The following SEMA3D variants were observed in gnomAD, a reference collection of about 807,000 sequenced individuals.
The protein encoded by SEMA3D is semaphorin-3D.
In SEMA3D, 84 loss-of-function variants were observed where a neutral mutation model predicts 100.1. That is an observed-to-expected ratio of 0.84 (90% confidence interval 0.70 to 1.01). SEMA3D has a LOEUF of 1.01. Ranked by LOEUF, SEMA3D falls within the 50% of genes least tolerant of loss-of-function variation. The pLI is 0.00. For missense variants in SEMA3D, 875 were observed against 934.1 expected, an observed-to-expected ratio of 0.94 and a Z score of 0.82; for synonymous variants, 312 against 320.7, an observed-to-expected ratio of 0.97 and a Z score of 0.29.
intron 13 of SEMA3D, 57 bp downstream of exon 13, chr7:85,022,334 C>T: frequency 1.7e-6 from 2 of 1,183,838 alleles, no homozygotes; most frequent in Admixed American, 1.7e-5. Context: ...TTGTTCTTCT[C>T]TTTGTCTAAT....
At position 84,997,176 on chromosome 7, in the gene SEMA3D, G is replaced by T. The variant is rs1169743927; in HGVS notation, c.*2264C>A. On this transcript the variant is annotated 3_prime_UTR_variant, in exon 19 of 19. Coordinates refer to ENST00000284136, the MANE Select transcript of SEMA3D (RefSeq NM_001384900.1). ...GATTAGAAAGAAGTAACTAAAAAATGGTTTGGACATTCAAATTTGGATAGA... is the reference window on the plus strand; with the variant it reads ...GATTAGAAAGAAGTAACTAAAAAATTGTTTGGACATTCAAATTTGGATAGA... 1 of 151,908 alleles carries T rather than the reference G, an allele frequency of 6.6e-6. No individual in the cohort carries two copies. The highest frequency in any genetic ancestry group is 1.5e-5 in the Non-Finnish European group (1 of 67,890). The allele number at this position is 151,908 out of a possible 1,614,324, so 9.4% of individuals were successfully genotyped here.
chr7:85,167,461 G>T, intron 1 of SEMA3D: 1 of 801,334 alleles, frequency 1.2e-6, no homozygotes, highest in Non-Finnish European at 1.5e-6. Flanking sequence ...TACTAATGTT[G>T]GACGTCTATT....
At chr7:85,064,879 TCAATA>T (rs1791573356) in intron 8 of SEMA3D, among the ~76,000 whole-genome samples, 1 of 152,158 alleles carries the variant, frequency 6.6e-6, no homozygotes, top group East Asian at 1.9e-4. Flanking sequence ...CAAAATTATG[TCAATA>T]TTAATATGCT....
chr7:85,098,518 T>G (rs1390035714), intron 3 of SEMA3D, among the ~76,000 whole-genome samples: 1 of 151,768 alleles, frequency 6.6e-6, no homozygotes, highest in African/African-American at 2.4e-5. Context: ...TTTTAAAAAA[T>G]ACACTTTTTT....
At chr7:85,086,571 A>T (rs1324767991) in intron 4 of SEMA3D, among the ~76,000 whole-genome samples, 2 of 151,982 alleles carry the variant, frequency 1.3e-5, no homozygotes, top group African/African-American at 4.8e-5. Flanking sequence ...ATATACGCAC[A>T]TATATAACAG....
intron 13 of SEMA3D, among the ~76,000 whole-genome samples, chr7:85,020,667 A>T (rs1361383320): frequency 6.6e-6 from 1 of 151,554 alleles, no homozygotes; most frequent in East Asian, 1.9e-4. Flanking sequence ...AGTTAAAAAT[A>T]TATTAAAATA....
chr7:85,041,223 A>AT (rs59852948), intron 10 of SEMA3D: 3,090 of 147,806 alleles, frequency 0.021, 51 homozygotes, highest in Non-Finnish European at 0.031. Flanking sequence ...AGCCCGGCTA[A>AT]TTTTTTTTTT....
chr7:85,024,621 C>G (rs1248319414), intron 12 of SEMA3D, among the ~76,000 whole-genome samples: 1 of 151,934 alleles, frequency 6.6e-6, no homozygotes, highest in African/African-American at 2.4e-5. Context: ...ATAAAATGAT[C>G]TTTGAAAATA....
chr7:85,100,425 A>C (rs1044754331), intron 3 of SEMA3D, among the ~76,000 whole-genome samples: 19 of 151,726 alleles, frequency 1.3e-4, no homozygotes, highest in African/African-American at 4.4e-4. Context: ...TTTTACCTCA[A>C]GTACTTACGA....
At chr7:85,109,693 C>A (rs192836975) in intron 3 of SEMA3D, among the ~76,000 whole-genome samples, 74 of 151,920 alleles carry the variant, frequency 4.9e-4, no homozygotes, top group African/African-American at 1.7e-3. Context: ...TTTTTCAAAT[C>A]TTCTGTTTAA....
chr7:85,142,200 A>G, intron 2 of SEMA3D: 1 of 983,928 alleles, frequency 1.0e-6, no homozygotes, highest in African/African-American at 1.7e-5. Flanking sequence ...TAAATTACTC[A>G]ATTGCTTATT....
chr7:85,180,257 GT>G (rs1431171005), intron 1 of SEMA3D, among the ~76,000 whole-genome samples: 1 of 152,222 alleles, frequency 6.6e-6, no homozygotes, highest in South Asian at 2.1e-4. Context: ...TTTTATAAGT[GT>G]TTTTTCCCTC....
At chr7:85,194,807 T>A in the SEMA3D span, among the ~76,000 whole-genome samples, 1 of 152,192 alleles carries the variant, frequency 6.6e-6, no homozygotes, top group African/African-American at 2.4e-5. Context: ...CTAAGTTCTT[T>A]CTAATTAGTG....
rs544103317 is a variant in SEMA3D at position 85,151,572 on chromosome 7, T to G, written c.-41+2036A>C. The stretch of plus-strand genomic sequence containing the variant: ...TGCTGGTTAAAATAGAGCACCGTAG[T>G]TGATGTGTGTATGCATGTGTGTATG... On this transcript the variant is annotated intron_variant, in intron 2 of 18. Coordinates refer to ENST00000284136, the MANE Select transcript of SEMA3D (RefSeq NM_001384900.1). The G allele has an allele frequency of 1.9e-5, 17 of 901,644 alleles. No individual in the cohort carries two copies. The African/African-American group carries it at 3.0e-4, about 16-fold the overall frequency. The allele number at this position is 901,644 out of a possible 1,614,324, so 55.9% of individuals were successfully genotyped here.
At chr7:85,048,096 A>T (rs530782763) in intron 9 of SEMA3D, among the ~76,000 whole-genome samples, 20 of 151,870 alleles carry the variant, frequency 1.3e-4, no homozygotes, top group Non-Finnish European at 2.5e-4. Context: ...TGAGGCAAAC[A>T]CACAGGCTTT....
At chr7:85,114,543 C>T (rs950861455) in intron 3 of SEMA3D, among the ~76,000 whole-genome samples, 1 of 152,074 alleles carries the variant, frequency 6.6e-6, no homozygotes, top group African/African-American at 2.4e-5. Context: ...CCCTGGAGAG[C>T]TGGTAGGGAA....
the SEMA3D span, among the ~76,000 whole-genome samples, chr7:85,195,651 A>C: frequency 6.6e-6 from 1 of 152,062 alleles, no homozygotes; most frequent in East Asian, 1.9e-4. Flanking sequence ...TCTTCAACTC[A>C]GCGCTGATTT....
chr7:85,164,077 A>T (rs1019987545), intron 1 of SEMA3D, among the ~76,000 whole-genome samples: 22 of 152,100 alleles, frequency 1.4e-4, no homozygotes, highest in African/African-American at 5.3e-4. Context: ...ATTAGTTTGC[A>T]ATAAAGTTGA....
intron 9 of SEMA3D, among the ~76,000 whole-genome samples, chr7:85,055,167 T>G (rs1791273145): frequency 6.6e-6 from 1 of 152,104 alleles, no homozygotes; most frequent in East Asian, 1.9e-4. Context: ...TTCAACTGAT[T>G]TGATGCATGT....
Sources: allele counts gnomAD v4.1 joint callset (sites outside exome capture counted in the v4.1 genomes callset), GRCh38; gene constraint gnomAD v4.1.1; transcripts MANE v1.5; gene names NCBI Gene and HGNC (gene_info 2026-07-23, HGNC 2026-07-21).